Variants in FER1L6 observed in about 807,000 individuals in gnomAD.
FER1L6 encodes the protein fer-1 like family member 6, also known as fer-1-like protein 6.
FER1L6 carries 177 observed loss-of-function variants against 219.2 expected under a neutral mutation model. The observed-to-expected ratio is 0.81, with a 90% CI of 0.71 to 0.91. The LOEUF (loss-of-function observed/expected upper bound fraction) is 0.91, where lower values mean the gene tolerates loss of function less well. FER1L6 is among the 40% of genes least tolerant of loss of function. FER1L6 has a pLI of 0.00. For missense variants in FER1L6, 2,153 were observed against 2,259.9 expected (o/e 0.95, Z 0.96); for synonymous variants, 768 against 824.3 (o/e 0.93, Z 1.17).
chr8:123,998,872 C>T (rs753461788), intron 12 of FER1L6, among the ~76,000 whole-genome samples: 2 of 152,170 alleles, frequency 1.3e-5, no homozygotes, highest in Non-Finnish European at 2.9e-5. Flanking sequence ...TACTGCCTGG[C>T]GATTAGCAAT....
intron 1 of FER1L6, among the ~76,000 whole-genome samples, chr8:123,942,427 T>C (rs2130001397): frequency 6.6e-6 from 1 of 152,344 alleles, no homozygotes; most frequent in South Asian, 2.1e-4. Context: ...GGGCAGTGTA[T>C]TCCTTTCCTG....
At chr8:123,936,473 T>TTG (rs1814010488) in intron 1 of FER1L6, among the ~76,000 whole-genome samples, 2 of 129,586 alleles carry the variant, frequency 1.5e-5, no homozygotes, top group Non-Finnish European at 1.6e-5. Context: ...TTTTTTTTTT[T>TTG]TTTTTTTTTT....
intron 1 of FER1L6, among the ~76,000 whole-genome samples, chr8:123,896,431 C>T (rs1198501476): frequency 6.6e-6 from 1 of 152,166 alleles, no homozygotes; most frequent in Non-Finnish European, 1.5e-5. Flanking sequence ...ACGGTATTTG[C>T]ATGTGTAACT....
At chr8:124,098,939 T>A (rs947224012) in intron 37 of FER1L6, among the ~76,000 whole-genome samples, 18 of 152,228 alleles carry the variant, frequency 1.2e-4, no homozygotes, top group Non-Finnish European at 2.4e-4. Flanking sequence ...TCTTATGTTT[T>A]AAAAAATTAG....
At chr8:124,083,920 G>A (rs567733725) in intron 33 of FER1L6, among the ~76,000 whole-genome samples, 1 of 152,096 alleles carries the variant, frequency 6.6e-6, no homozygotes, top group African/African-American at 2.4e-5. Flanking sequence ...ATATGTCTGT[G>A]GTTTTTTGTA....
chr8:124,097,706 G>T, intron 36 of FER1L6, 79 bp from the exon 37 acceptor site: 1 of 810,256 alleles, frequency 1.2e-6, no homozygotes. Context: ...ATAGACCAAA[G>T]GCAATGCTAG....
intron 1 of FER1L6, among the ~76,000 whole-genome samples, chr8:123,903,328 A>G (rs992730820): frequency 2.6e-5 from 4 of 152,232 alleles, no homozygotes; most frequent in Admixed American, 1.3e-4. Flanking sequence ...TTTACAAAAT[A>G]TAGTAATTCT....
rs1010451028 is a variant in FER1L6, at chr8:124,003,500, GT to G, written c.1700+154del. Among the ~76,000 whole-genome samples, 3 of 115,828 alleles carry G rather than the reference GT, an allele frequency of 2.6e-5. No homozygotes were observed. In the Admixed American group the frequency reaches 3.7e-4, roughly 14 times the overall value. The allele number at this position is 115,828 out of a possible 152,430, so 76.0% of individuals were successfully genotyped here. On this transcript the variant is annotated intron_variant, in intron 13 of 40. Transcript: ENST00000522917. ...TTTTTTTGAGACGGAGTCTTGCTTG[GT>G]CACCAGACTGGAGTGCAGTGTGCAG...
rs371766059 is a variant in FER1L6 at position 124,020,237 on chromosome 8, C to G, written c.2014-1313C>G. On this transcript the variant is annotated intron_variant, in intron 16 of 40. Transcript: ENST00000522917. ...GATTCTCCCCATGAGTCCTCCCCAG[C>G]CATGTAGAACTGTGAGTTCTCCATT... is the stretch of plus-strand genomic sequence containing the variant. 1.2e-4 allele frequency among the ~76,000 whole-genome samples: 18 copies of G among 152,292 alleles called. No individual in the cohort carries two copies. In the East Asian group the frequency reaches 2.7e-3, roughly 23 times the overall value.
At chr8:124,047,020 A>G (rs1404661165) in intron 21 of FER1L6, among the ~76,000 whole-genome samples, 1 of 152,252 alleles carries the variant, frequency 6.6e-6, no homozygotes, top group Non-Finnish European at 1.5e-5. Context: ...TTTAGCATGT[A>G]GTATAGATGC....
Position 124,078,473 on chromosome 8 carries a change from C to A in FER1L6, c.4220+2148C>A, listed in dbSNP as rs185260004. Among the ~76,000 whole-genome samples, 54 of 152,322 alleles carry A rather than the reference C, an allele frequency of 3.5e-4. 1 individual carries two copies. The highest frequency in any genetic ancestry group is 3.1e-3 in the Admixed American group (48 of 15,306). On this transcript the variant is annotated intron_variant, in intron 32 of 40. Coordinates refer to ENST00000522917, the MANE Select transcript of FER1L6 (RefSeq NM_001039112.2). ...TCTGCAGGACTTTGTCCTTGCTATG[C>A]CCTCACCATGACATGCCTTTTCTTT...
Position 123,976,036 on chromosome 8 carries a change from T to A in FER1L6, c.822T>A (p.Ser274Arg), listed in dbSNP as rs115192051. Reference sequence around the variant, plus strand: ...TCACCAAGGCATTTGTGGGTGACAGTAAGGACCTGGTGGATCCCTTTGTGG... The same window carrying A: ...TCACCAAGGCATTTGTGGGTGACAGAAAGGACCTGGTGGATCCCTTTGTGG... Reference protein sequence around the residue: ...ANVTKAFVGDSKDLVDPFVEV... With the variant: ...ANVTKAFVGDRKDLVDPFVEV... The change falls in exon 9 of 41, where the codon AGT (serine) becomes AGA (arginine). Residue 274 changes from serine (S) to arginine (R), a missense_variant. Coordinates refer to ENST00000522917, the MANE Select transcript of FER1L6 (RefSeq NM_001039112.2). The A allele has an allele frequency of 1.2e-6, 2 of 1,614,020 alleles. No homozygotes were observed. The highest frequency in any genetic ancestry group is 4.5e-5 in the East Asian group (2 of 44,878).
chr8:124,017,715 G>A lies in FER1L6; in HGVS notation c.2010G>A (p.Glu670=). The change falls in exon 16 of 41, where the codon GAG becomes GAA. Residue 670 remains glutamate, a synonymous_variant. Transcript: ENST00000522917. The stretch of plus-strand genomic sequence containing the variant: ...AGCGACTTACGCTCTGCTGGCAGGA[G>A]CTGGTATGTGAAAATCTATTTATAC... The part of the protein sequence containing the change: ...DKKRLTLCWQ[E]LEAMCKEAKG... 6 of 1,612,306 alleles carry A rather than the reference G, an allele frequency of 3.7e-6. No individual in the cohort carries two copies. Among genetic ancestry groups the A allele is most frequent in the Non-Finnish European group, 5.1e-6 (6 of 1,178,594 alleles).
At chr8:124,113,045 ATAC>A (rs542198783) in intron 39 of FER1L6, among the ~76,000 whole-genome samples, 73 of 152,312 alleles carry the variant, frequency 4.8e-4, no homozygotes, top group Middle Eastern at 3.4e-3. Flanking sequence ...TAATCATTCC[ATAC>A]TTAAAATAGT....
rs1177410338 is a variant in FER1L6 at position 124,111,763 on chromosome 8, G to A, written c.5290-7081G>A. On this transcript the variant is annotated intron_variant, in intron 39 of 40. Coordinates refer to ENST00000522917, the MANE Select transcript of FER1L6 (RefSeq NM_001039112.2). The surrounding 1 kb of genome is among the most constrained non-coding windows in gnomAD (Gnocchi z 5.0). ...AGAGGTCACTCTTGTTCTCTGGTCG[G>A]TGGGTTTTGGCCGGCTTCTTTACTG... Among the ~76,000 whole-genome samples, 4 of 152,146 alleles carry A rather than the reference G, an allele frequency of 2.6e-5. No individual in the cohort carries two copies. The East Asian group carries it at 7.7e-4, about 29-fold the overall frequency.
rs1203289141 is a variant in FER1L6 at position 124,045,802 on chromosome 8, G to C, written c.2625G>C (p.Gln875His). The change falls in exon 21 of 41, where the codon CAG (glutamine) becomes CAC (histidine). Residue 875 changes from glutamine to histidine, a missense_variant. Transcript: ENST00000522917. ...AGACCCTCTCTCCGACCTGGAACCAGATGCTGCTGTTCAATGATTTGGTGC... is the reference window on the plus strand; with the variant it reads ...AGACCCTCTCTCCGACCTGGAACCACATGCTGCTGTTCAATGATTTGGTGC... Reference protein sequence around the residue: ...ISQTLSPTWNQMLLFNDLVLH... With the variant: ...ISQTLSPTWNHMLLFNDLVLH... 1.2e-6 allele frequency: 2 copies of C among 1,614,022 alleles called. No individual in the cohort carries two copies. The highest frequency in any genetic ancestry group is 1.7e-6 in the Non-Finnish European group (2 of 1,180,014).
chr8:123,966,299 T>A lies in FER1L6; in HGVS notation c.384+9T>A, dbSNP rs1815537496. ...GCCCATTTTATAATGAAGTAAGTCA[T>A]GGAGGTCACCCACAGCTTTTGCACT... is the stretch of plus-strand genomic sequence containing the variant. On this transcript the variant is annotated intron_variant, in intron 5 of 40. Transcript: ENST00000522917. 6.2e-7 allele frequency: 1 copy of A among 1,614,006 alleles called. No individual in the cohort carries two copies. Among genetic ancestry groups the A allele is most frequent in the Non-Finnish European group, 8.5e-7 (1 of 1,179,926 alleles).
chr8:123,954,912 T>C (rs1021496538), intron 1 of FER1L6, among the ~76,000 whole-genome samples: 1 of 152,202 alleles, frequency 6.6e-6, no homozygotes, highest in Non-Finnish European at 1.5e-5. Context: ...TCCTTGTTCC[T>C]TCCCCTCCTC....
chr8:123,905,924 A>G (rs190742581), intron 1 of FER1L6, among the ~76,000 whole-genome samples: 4 of 152,194 alleles, frequency 2.6e-5, no homozygotes, highest in Non-Finnish European at 4.4e-5. Flanking sequence ...ACATAAAGCA[A>G]TACGGGGTTT....
Sources: allele counts gnomAD v4.1 joint callset (sites outside exome capture counted in the v4.1 genomes callset), GRCh38; gene constraint gnomAD v4.1.1; non-coding constraint Gnocchi (gnomAD v3.1); transcripts MANE v1.5; gene names NCBI Gene and HGNC (gene_info 2026-07-23, HGNC 2026-07-21).